Variants in NEB observed in about 807,000 individuals in gnomAD.
NEB encodes the protein nemaline myopathy type 2.
NEB carries 512 observed loss-of-function variants against 952.2 expected under a neutral mutation model. The ratio of observed to expected loss-of-function variants is 0.54; its 90% CI spans 0.50 to 0.58. The LOEUF is 0.58. Ranked by LOEUF, NEB falls within the 20% of genes least tolerant of loss-of-function variation. The pLI, the probability that NEB is intolerant of heterozygous loss-of-function variation, is 0.00. For synonymous variants in NEB, 2,900 were observed against 3,149.8 expected (o/e 0.92, Z 2.66); for missense variants, 8,428 against 9,231.1 (o/e 0.91, Z 3.56).
rs751875993 is a variant in NEB at position 151,684,965 on chromosome 2, C to A, written c.2648G>T (p.Arg883Leu). 6.2e-7 allele frequency: 1 copy of A among 1,603,734 alleles called. No individual in the cohort carries two copies. The highest frequency in any genetic ancestry group is 8.5e-7 in the Non-Finnish European group (1 of 1,174,560). The change falls in exon 28 of 182, where the codon CGA (arginine) becomes CTA (leucine). Residue 883 changes from arginine (R) to leucine (L), a missense_variant. Around this residue, in one of 11 missense-constraint regions of NEB, gnomAD observed 2,851 missense variants for 2,791.5 expected, o/e 1.02. Coordinates refer to ENST00000397345, the MANE Select transcript of NEB (RefSeq NM_001164508.2). Reference sequence around the variant, plus strand: ...AGTTTTTGACTTTTCATAATCTTTTCGATATTCGCGCTGTGAATAGGAAAT... The same window carrying A: ...AGTTTTTGACTTTTCATAATCTTTTAGATATTCGCGCTGTGAATAGGAAAT... ...TAKNQSDREYRKDYEKSKTIY... is the reference protein window; with the variant it reads ...TAKNQSDREYLKDYEKSKTIY...
intron 179 of NEB, chr2:151,491,465 G>T (rs1012897403): frequency 2.1e-5 from 9 of 434,764 alleles, no homozygotes; most frequent in African/African-American, 1.8e-4. Flanking sequence ...AATAATGGGA[G>T]ACATGCACTG....
intron 55 of NEB, among the ~76,000 whole-genome samples, chr2:151,645,921 CAG>C (rs1009624959): frequency 1.3e-5 from 2 of 152,186 alleles, no homozygotes; most frequent in Admixed American, 1.3e-4. Flanking sequence ...CTGCAAGGAA[CAG>C]AGAATACAGA....
intron 148 of NEB, among the ~76,000 whole-genome samples, chr2:151,526,511 T>C (rs1219041349): frequency 1.3e-5 from 2 of 152,176 alleles, no homozygotes; most frequent in African/African-American, 4.8e-5. Flanking sequence ...CACAGCACGC[T>C]CAGATATGCC....
At position 151,710,425 on chromosome 2, in the gene NEB, C is replaced by T; in HGVS notation, c.927+9G>A. 2 of 1,591,278 alleles carry T rather than the reference C, an allele frequency of 1.3e-6. No individual in the cohort carries two copies. The highest frequency in any genetic ancestry group is 1.7e-6 in the Non-Finnish European group (2 of 1,162,164). On this transcript the variant is annotated intron_variant, in intron 11 of 181. Coordinates refer to ENST00000397345, the MANE Select transcript of NEB (RefSeq NM_001164508.2). ...AGGATGACCAACCAGCCATCCCTTC[C>T]CACTTAACTGTGCTAATGTTATCAG... is the stretch of plus-strand genomic sequence containing the variant.
chr2:151,568,030 G>T (rs757238122), intron 113 of NEB, 41 bp downstream of exon 113: 1 of 1,470,050 alleles, frequency 6.8e-7, no homozygotes, highest in Non-Finnish European at 9.5e-7. Flanking sequence ...TGGGAGCAAG[G>T]TCCCACTTTT....
intron 32 of NEB, among the ~76,000 whole-genome samples, chr2:151,678,909 A>AT (rs2099394129): frequency 6.6e-6 from 1 of 152,178 alleles, no homozygotes; most frequent in Non-Finnish European, 1.5e-5. Context: ...CAATCATCAC[A>AT]TATTTACACT....
intron 32 of NEB, 37 bp from the exon 33 acceptor site, chr2:151,678,224 G>C (rs758758613): frequency 7.3e-7 from 1 of 1,368,686 alleles, no homozygotes; most frequent in East Asian, 2.3e-5. Flanking sequence ...TTAAAATGTA[G>C]TTTTGAGGGC....
At chr2:151,619,891 G>A (rs977929217) in intron 72 of NEB, 129 bp from the exon 73 acceptor site, 5 of 921,594 alleles carry the variant, frequency 5.4e-6, no homozygotes, top group Middle Eastern at 3.2e-4. Flanking sequence ...CTGCTGTAAC[G>A]CCACATATTG....
At chr2:151,665,802 T>A (rs2099208993) in intron 41 of NEB, among the ~76,000 whole-genome samples, 1 of 152,148 alleles carries the variant, frequency 6.6e-6, no homozygotes, top group Non-Finnish European at 1.5e-5. Flanking sequence ...TAACAGAATT[T>A]TGCACTGGAA....
chr2:151,609,607 A>T (rs1271825622), intron 81 of NEB, among the ~76,000 whole-genome samples: 1 of 152,220 alleles, frequency 6.6e-6, no homozygotes, highest in Non-Finnish European at 1.5e-5. Flanking sequence ...CAGATGATTT[A>T]TATTTGTCTG....
chr2:151,683,466 C>T (rs2099446685), intron 28 of NEB, among the ~76,000 whole-genome samples: 1 of 152,104 alleles, frequency 6.6e-6, no homozygotes, highest in Non-Finnish European at 1.5e-5. Context: ...TTGTTTTTTA[C>T]TCTGGGCATT....
In NEB at chr2:151,612,376, G is replaced by C. The variant is rs886054940; in HGVS notation, c.11615C>G (p.Ser3872Cys). Residue 3872 changes from serine to cysteine, a missense_variant, in exon 78 of 182, where the codon TCT becomes TGT. Physicochemically the swap from Ser to Cys is moderately radical, Grantham distance 112. This residue lies in a region of NEB where 337 missense variants were observed against 297.5 expected (regional missense o/e 1.13). Coordinates refer to ENST00000397345, the MANE Select transcript of NEB (RefSeq NM_001164508.2). ...TATGCCTCTCAGCCACTCAAGATCA[G>C]ATTTGTAAATAGCCTGAAAATGAAA... ...YDLQSDAIYK[S>C]DLEWLRGIGW... The C allele has an allele frequency of 6.2e-7, 1 of 1,613,574 alleles. No individual in the cohort carries two copies. Among genetic ancestry groups the C allele is most frequent in the Non-Finnish European group, 8.5e-7 (1 of 1,179,636 alleles).
chr2:151,629,494 C>T (rs746405327), intron 68 of NEB, 45 bp downstream of exon 68: 11 of 1,464,812 alleles, frequency 7.5e-6, no homozygotes, highest in Non-Finnish European at 8.6e-6. Flanking sequence ...ATCCTGCCTC[C>T]CCACTTCATC....
chr2:151,687,355 T>C, intron 27 of NEB, 64 bp downstream of exon 27: 2 of 1,380,864 alleles, frequency 1.4e-6, no homozygotes, highest in Non-Finnish European at 2.1e-6. Flanking sequence ...TCCACACTAC[T>C]ACCCTTGGGC....
At position 151,617,480 on chromosome 2, in the gene NEB, A is replaced by T. The variant is rs1237972757; in HGVS notation, c.11077-12T>A. 2.0e-5 allele frequency: 28 copies of T among 1,427,924 alleles called. No individual in the cohort carries two copies. Among genetic ancestry groups the T allele is most frequent in the Non-Finnish European group, 2.6e-5 (28 of 1,062,254 alleles). 88.5% of individuals were successfully genotyped at this position (1,427,924 alleles called of 1,614,324 possible). On this transcript the variant is annotated splice_polypyrimidine_tract_variant and intron_variant, in intron 74 of 181. Transcript: ENST00000397345. ...TCAGTATATAAGCGCTACAAAAAAA[A>T]AAAAAAAAGAGAGAGAGAGAGAGAA...
chr2:151,493,440 C>T lies in NEB; in HGVS notation c.24678G>A (p.Leu8226=). The change falls in exon 176 of 182, where the codon TTG becomes TTA. Residue 8226 remains leucine, a synonymous_variant. Coordinates refer to ENST00000397345, the MANE Select transcript of NEB (RefSeq NM_001164508.2). ...KRNQENFSSV[L]YKENMRKATP... Reference sequence around the variant, plus strand: ...TTGCTTTTCTCATGTTCTCTTTGTACAATACCTAGGGAAGCCAAAAGAGCA... The same window carrying T: ...TTGCTTTTCTCATGTTCTCTTTGTATAATACCTAGGGAAGCCAAAAGAGCA... 6.3e-7 allele frequency: 1 copy of T among 1,591,806 alleles called. No individual in the cohort carries two copies. The highest frequency in any genetic ancestry group is 8.5e-7 in the Non-Finnish European group (1 of 1,171,304).
intron 13 of NEB, among the ~76,000 whole-genome samples, chr2:151,699,090 C>A (rs1260749045): frequency 7.0e-6 from 1 of 143,660 alleles, no homozygotes; most frequent in African/African-American, 2.6e-5. Context: ...TCAGTTCCCA[C>A]CTATGAGTGA....
At chr2:151,726,403 G>A (rs2099790471) in intron 5 of NEB, among the ~76,000 whole-genome samples, 1 of 152,178 alleles carries the variant, frequency 6.6e-6, no homozygotes, top group African/African-American at 2.4e-5. Context: ...ACAGTGAGCT[G>A]CTATCATTTA....
chr2:151,696,324 G>A (rs1348079762), intron 17 of NEB, among the ~76,000 whole-genome samples: 1 of 152,110 alleles, frequency 6.6e-6, no homozygotes, highest in Non-Finnish European at 1.5e-5. Flanking sequence ...TCAGGCAGAG[G>A]GGGGTTAAAT....
Sources: allele counts gnomAD v4.1 joint callset (sites outside exome capture counted in the v4.1 genomes callset), GRCh38; gene constraint gnomAD v4.1.1; regional missense constraint gnomAD v4.1.1; transcripts MANE v1.5; gene names NCBI Gene and HGNC (gene_info 2026-07-23, HGNC 2026-07-21).